The following GRIK4 variants were observed in gnomAD, a reference collection of about 807,000 sequenced individuals.
The protein encoded by GRIK4 is glutamate receptor ionotropic, kainate 4.
A neutral mutation model predicts 104.9 loss-of-function variants in GRIK4; 40 were observed. The observed-to-expected ratio is 0.38, with a 90% CI of 0.30 to 0.50. The LOEUF (loss-of-function observed/expected upper bound fraction) is 0.50, where lower values mean the gene tolerates loss of function less well. Among genes scored for constraint, GRIK4 ranks in the 20% least tolerant of loss-of-function variants. The pLI, the probability that GRIK4 is intolerant of heterozygous loss-of-function variation, is 0.93. For missense variants in GRIK4, 1,047 were observed against 1,308.1 expected (o/e 0.80, Z 3.08); for synonymous variants, 485 against 524.9 (o/e 0.92, Z 1.04).
chr11:120,675,685 A>G (rs12225752), intron 3 of GRIK4, among the ~76,000 whole-genome samples: 19,459 of 152,184 alleles, frequency 0.13, 1,362 homozygotes, highest in South Asian at 0.23. Flanking sequence ...CAATTTCAGC[A>G]TGTGATCTTG....
At chr11:120,758,084 T>C (rs1951683773) in intron 3 of GRIK4, among the ~76,000 whole-genome samples, 1 of 152,124 alleles carries the variant, frequency 6.6e-6, no homozygotes, top group Non-Finnish European at 1.5e-5. Context: ...TCCCTGGGCA[T>C]TCCTTAAGGC....
chr11:120,886,972 C>G (rs1217408871), intron 11 of GRIK4, among the ~76,000 whole-genome samples: 2 of 152,202 alleles, frequency 1.3e-5, no homozygotes, highest in African/African-American at 2.4e-5. Context: ...AATGGATCAT[C>G]ATAGAGTCTG....
At chr11:120,778,945 T>C (rs76566989) in intron 3 of GRIK4, among the ~76,000 whole-genome samples, 1,551 of 152,276 alleles carry the variant, frequency 0.01, 20 homozygotes, top group African/African-American at 0.034. Flanking sequence ...CTTCTCAGAC[T>C]CACGGCGGGG....
chr11:120,979,319 A>G (rs773978739), intron 19 of GRIK4, among the ~76,000 whole-genome samples: 2 of 152,196 alleles, frequency 1.3e-5, no homozygotes, highest in Non-Finnish European at 2.9e-5. Context: ...ACTTTGCAAC[A>G]TTCTTTTGTA....
At chr11:120,706,543 T>C (rs1950632264) in intron 3 of GRIK4, among the ~76,000 whole-genome samples, 1 of 152,126 alleles carries the variant, frequency 6.6e-6, no homozygotes, top group South Asian at 2.1e-4. Flanking sequence ...GATGGATGGC[T>C]GGACTTCCAG....
intron 12 of GRIK4, among the ~76,000 whole-genome samples, chr11:120,904,300 G>A (rs528695683): frequency 6.6e-6 from 1 of 152,136 alleles, no homozygotes. Context: ...CCAGGCATTC[G>A]AGCCCATCAT....
intron 3 of GRIK4, among the ~76,000 whole-genome samples, chr11:120,798,812 G>T (rs1303274887): frequency 6.6e-6 from 1 of 152,188 alleles, no homozygotes; most frequent in Non-Finnish European, 1.5e-5. Flanking sequence ...ATCAGATCAA[G>T]GTCCCATCCT....
chr11:120,598,500 G>A (rs1260877034), intron 1 of GRIK4, among the ~76,000 whole-genome samples: 2 of 152,168 alleles, frequency 1.3e-5, no homozygotes, highest in African/African-American at 4.8e-5. Flanking sequence ...AGAATGGCAC[G>A]GTATAGTGGT....
At chr11:120,698,182 T>A (rs1357424996) in intron 3 of GRIK4, among the ~76,000 whole-genome samples, 1 of 152,184 alleles carries the variant, frequency 6.6e-6, no homozygotes, top group Non-Finnish European at 1.5e-5. Context: ...TCTACATACA[T>A]GATTTTTAAA....
At position 120,956,020 on chromosome 11, in the gene GRIK4, G is replaced by A. The variant is rs909871342; in HGVS notation, c.1701-760G>A. On this transcript the variant is annotated intron_variant, in intron 15 of 20. Coordinates refer to ENST00000527524, the MANE Select transcript of GRIK4 (RefSeq NM_014619.5). This position sits in a 1 kb window ranked among gnomAD's most constrained non-coding sequence, Gnocchi z 4.6. ...GCCCAGCCATCTGTGTCAGCACACC[G>A]GCTTGGTGGTTCTGAGGTAGGCTAA... Among the ~76,000 whole-genome samples, 3 of 152,024 alleles carry A rather than the reference G, an allele frequency of 2.0e-5. No homozygotes were observed. The highest frequency in any genetic ancestry group is 2.9e-5 in the Non-Finnish European group (2 of 67,996).
At chr11:120,665,434 G>A (rs140474367) in intron 3 of GRIK4, among the ~76,000 whole-genome samples, 212 of 152,272 alleles carry the variant, frequency 1.4e-3, no homozygotes, top group African/African-American at 4.7e-3. Context: ...CCTAGGGGGG[G>A]AATATAGAAG....
intron 11 of GRIK4, among the ~76,000 whole-genome samples, chr11:120,878,615 C>A (rs998001756): frequency 5.4e-4 from 1 of 1,860 alleles, no homozygotes; most frequent in Admixed American, 7.1e-3. Context: ...TATGCCCCGC[C>A]CCCCCCCCTT....
At chr11:120,686,684 G>C (rs78813250) in intron 3 of GRIK4, among the ~76,000 whole-genome samples, 1 of 152,184 alleles carries the variant, frequency 6.6e-6, no homozygotes, top group Admixed American at 6.5e-5. Context: ...CGTTATTGCC[G>C]TTGGCTTTGG....
chr11:120,749,012 T>G (rs1030918990), intron 3 of GRIK4, among the ~76,000 whole-genome samples: 6 of 152,332 alleles, frequency 3.9e-5, no homozygotes, highest in African/African-American at 1.4e-4. Context: ...TTTTAAGTTA[T>G]TTAACCTACT....
At chr11:120,593,366 G>A (rs2135116667) in intron 1 of GRIK4, among the ~76,000 whole-genome samples, 1 of 152,170 alleles carries the variant, frequency 6.6e-6, no homozygotes, top group East Asian at 1.9e-4. Context: ...AGCTTGGGGA[G>A]GTCGCTAGTA....
intron 1 of GRIK4, among the ~76,000 whole-genome samples, chr11:120,609,879 A>G (rs1187768855): frequency 6.6e-6 from 1 of 151,516 alleles, no homozygotes; most frequent in Admixed American, 6.6e-5. Context: ...CCTCTTCTAC[A>G]CTTGGTTTTC....
rs111363182 is a variant in GRIK4, at chr11:120,522,227, C to T, written c.-159+10340C>T. Reference sequence around the variant, plus strand: ...TGAAAGCACCCAGTGCCTTGCCCGGCGTAGGGAATGTGCTCAGTCAATGCA... The same window carrying T: ...TGAAAGCACCCAGTGCCTTGCCCGGTGTAGGGAATGTGCTCAGTCAATGCA... On this transcript the variant is annotated intron_variant, in intron 1 of 20. Transcript: ENST00000527524. Among the ~76,000 whole-genome samples the T allele has an allele frequency of 2.2e-3, 339 of 152,364 alleles. 2 individuals carry two copies. Among genetic ancestry groups the T allele is most frequent in the African/African-American group, 7.6e-3 (317 of 41,592 alleles).
At chr11:120,607,106 G>A (rs968550763) in intron 1 of GRIK4, among the ~76,000 whole-genome samples, 5 of 152,214 alleles carry the variant, frequency 3.3e-5, no homozygotes, top group Non-Finnish European at 7.3e-5. Flanking sequence ...CAGAGGCAAG[G>A]ATGCCAGTTG....
chr11:120,628,302 C>T (rs1484579513), intron 1 of GRIK4, among the ~76,000 whole-genome samples: 1 of 152,210 alleles, frequency 6.6e-6, no homozygotes, highest in Non-Finnish European at 1.5e-5. Context: ...TTGGAGGAAT[C>T]ATCAATTTTG....
Sources: allele counts gnomAD v4.1 joint callset (sites outside exome capture counted in the v4.1 genomes callset), GRCh38; gene constraint gnomAD v4.1.1; non-coding constraint Gnocchi (gnomAD v3.1); transcripts MANE v1.5; gene names NCBI Gene and HGNC (gene_info 2026-07-23, HGNC 2026-07-21).